The following SNX8 variants were observed in gnomAD, a reference collection of about 807,000 sequenced individuals.
SNX8 encodes sorting nexin 8.
SNX8 carries 25 observed loss-of-function variants against 51.6 expected under a neutral mutation model. The observed-to-expected ratio is 0.48, with a 90% CI of 0.35 to 0.68. The LOEUF (loss-of-function observed/expected upper bound fraction) is 0.68. Among genes scored for constraint, SNX8 ranks in the 30% least tolerant of loss-of-function variants. The pLI is 0.00. For synonymous variants in SNX8, 324 were observed against 277.0 expected (o/e 1.17, Z -1.68); for missense variants, 695 against 624.0 (o/e 1.11, Z -1.21).
intron 2 of SNX8, among the ~76,000 whole-genome samples, chr7:2,276,203 C>T (rs550088319): frequency 3.9e-5 from 6 of 152,286 alleles, no homozygotes; most frequent in South Asian, 4.1e-4. Flanking sequence ...GGCAACGGCA[C>T]GTCTCACACG....
intron 1 of SNX8, among the ~76,000 whole-genome samples, chr7:2,340,722 T>C (rs1315985449): frequency 6.6e-6 from 1 of 151,160 alleles, no homozygotes; most frequent in East Asian, 2.0e-4. Context: ...CCAGACACAG[T>C]GGCGTATGTG....
chr7:2,308,892 C>A (rs891307938), intron 1 of SNX8, among the ~76,000 whole-genome samples: 2 of 151,176 alleles, frequency 1.3e-5, no homozygotes, highest in Non-Finnish European at 1.5e-5. Context: ...CAGGTTAACG[C>A]AATTCTCCCA....
chr7:2,310,469 A>T (rs1228445412), intron 1 of SNX8, among the ~76,000 whole-genome samples: 2 of 152,166 alleles, frequency 1.3e-5, no homozygotes, highest in African/African-American at 4.8e-5. Context: ...AAAAAATTTT[A>T]AAAATTGGCC....
chr7:2,337,053 G>C (rs574066502), intron 1 of SNX8: 1 of 151,582 alleles, frequency 6.6e-6, no homozygotes, highest in Non-Finnish European at 1.5e-5. Context: ...GCCTATTGTG[G>C]AGGAGGGCGT....
intron 1 of SNX8, among the ~76,000 whole-genome samples, chr7:2,303,043 T>A (rs1441354074): frequency 6.8e-6 from 1 of 146,354 alleles, no homozygotes; most frequent in East Asian, 2.2e-4. Context: ...AGCCGCCCCG[T>A]CCAGGAGGGA....
chr7:2,343,932 CTG>C (rs1255777634), intron 1 of SNX8, among the ~76,000 whole-genome samples: 4 of 150,794 alleles, frequency 2.7e-5, no homozygotes, highest in Non-Finnish European at 5.9e-5. Context: ...ACTCAGGAGG[CTG>C]AGGGAGGAGA....
rs116703232 is a variant in SNX8 at position 2,289,254 on chromosome 7, G to A, written c.95-10949C>T. 3.8e-3 allele frequency among the ~76,000 whole-genome samples: 575 copies of A among 152,280 alleles called. 1 individual carries two copies. Among genetic ancestry groups the A allele is most frequent in the African/African-American group, 0.013 (549 of 41,562 alleles). On this transcript the variant is annotated intron_variant, in intron 1 of 10. Coordinates refer to ENST00000222990, the MANE Select transcript of SNX8 (RefSeq NM_013321.4). The stretch of plus-strand genomic sequence containing the variant: ...CCAGCACCTCCCTGTTCCACACGGT[G>A]CTGTTACGAACATTCCAGCACGTGG...
At chr7:2,352,562 T>C (rs1009655754) in intron 1 of SNX8, among the ~76,000 whole-genome samples, 1 of 152,020 alleles carries the variant, frequency 6.6e-6, no homozygotes, top group African/African-American at 2.4e-5. Flanking sequence ...CCCAGGCGTA[T>C]TGGCTCACAC....
rs549194507 is a variant in SNX8 at position 2,304,361 on chromosome 7, G to A, written c.94+9967C>T. Among the ~76,000 whole-genome samples, 931 of 149,304 alleles carry A rather than the reference G, an allele frequency of 6.2e-3. 13 individuals are homozygous for A. The highest frequency in any genetic ancestry group is 0.022 in the African/African-American group (886 of 40,734). On this transcript the variant is annotated intron_variant, in intron 1 of 10. Coordinates refer to ENST00000222990, the MANE Select transcript of SNX8 (RefSeq NM_013321.4). ...AGATAGAGACCATCCTGGCTAACAG[G>A]GTGAAACCCCATCTCCACTAAAAAT...
intron 1 of SNX8, among the ~76,000 whole-genome samples, chr7:2,323,016 C>CTAAA (rs59691836): frequency 0.027 from 4,114 of 150,722 alleles, 189 homozygotes; most frequent in African/African-American, 0.093. Flanking sequence ...GACTCTGTCT[C>CTAAA]TAAATAAATA....
At chr7:2,276,886 AGT>A (rs10596072) in intron 2 of SNX8, among the ~76,000 whole-genome samples, 47,903 of 152,074 alleles carry the variant, frequency 0.31, 8,676 homozygotes, top group East Asian at 0.56. Context: ...TTGAGGCTGT[AGT>A]GAGCTATGAT....
chr7:2,318,125 A>G (rs1335409291), upstream of SNX8, among the ~76,000 whole-genome samples: 4 of 152,166 alleles, frequency 2.6e-5, no homozygotes, highest in Admixed American at 2.0e-4. Context: ...AGCTCACTAT[A>G]GCCTCAAACT....
intron 1 of SNX8, among the ~76,000 whole-genome samples, chr7:2,319,917 T>G (rs1202649731): frequency 2.6e-5 from 4 of 151,788 alleles, no homozygotes; most frequent in East Asian, 3.9e-4. Flanking sequence ...GAGGCAGAGG[T>G]TGCAGTGAGC....
chr7:2,284,835 G>C (rs1448852569), intron 1 of SNX8, among the ~76,000 whole-genome samples: 2 of 152,044 alleles, frequency 1.3e-5, no homozygotes, highest in Non-Finnish European at 2.9e-5. Context: ...TCCTTCTTCC[G>C]CTCATAAACA....
At chr7:2,300,313 A>C (rs537585450) in intron 1 of SNX8, among the ~76,000 whole-genome samples, 2 of 152,332 alleles carry the variant, frequency 1.3e-5, no homozygotes, top group African/African-American at 4.8e-5. Context: ...AGAGCTGACA[A>C]TTCAAGGAGA....
chr7:2,329,452 G>A (rs968485274), intron 1 of SNX8, among the ~76,000 whole-genome samples: 3 of 152,062 alleles, frequency 2.0e-5, no homozygotes, highest in Non-Finnish European at 4.4e-5. Context: ...GTTGTTTTTC[G>A]TGCGGGGGCT....
intron 1 of SNX8, chr7:2,337,353 G>A (rs973700998): frequency 6.6e-6 from 1 of 152,038 alleles, no homozygotes; most frequent in Non-Finnish European, 1.5e-5. Flanking sequence ...AGGCTGAGGA[G>A]GGAGGATCAC....
chr7:2,316,656 T>C (rs1255575775), upstream of SNX8, among the ~76,000 whole-genome samples: 2 of 151,434 alleles, frequency 1.3e-5, no homozygotes, highest in East Asian at 3.9e-4. Flanking sequence ...GCATCCTGCA[T>C]TCATTCATTC....
At chr7:2,337,560 CATA>C (rs1411745750) in intron 1 of SNX8, among the ~76,000 whole-genome samples, 2 of 151,904 alleles carry the variant, frequency 1.3e-5, no homozygotes, top group African/African-American at 4.8e-5. Context: ...TAAAATAATC[CATA>C]ATAAAATTAC....
Sources: gnomAD v4.1 joint callset for allele counts (sites outside exome capture counted in the v4.1 genomes callset) on GRCh38, gnomAD v4.1.1 for gene constraint, MANE v1.5 for transcripts, NCBI Gene and HGNC (gene_info 2026-07-23, HGNC 2026-07-21) for gene names.